MLIP: variants seen among roughly 807,000 people sequenced by gnomAD.
The protein encoded by MLIP is muscular LMNA interacting protein.
In MLIP, 79 loss-of-function variants were observed where a neutral mutation model predicts 84.8. The ratio of observed to expected loss-of-function variants is 0.93; its 90% CI spans 0.78 to 1.12. The LOEUF is 1.12. Ranked by LOEUF, MLIP falls within the 50% of genes most tolerant of loss-of-function variation. The pLI is 0.00. For missense variants in MLIP, 1,257 were observed against 1,160.6 expected (o/e 1.08, Z -1.21); for synonymous variants, 504 against 463.0 (o/e 1.09, Z -1.14).
chr6:54,219,108 AG>A, intron 11 of MLIP, among the ~76,000 whole-genome samples: 1 of 152,032 alleles, frequency 6.6e-6, no homozygotes, highest in Non-Finnish European at 1.5e-5. Flanking sequence ...CGGGAGGCTG[AG>A]GCAGGAGAAT....
intron 1 of MLIP, among the ~76,000 whole-genome samples, chr6:54,059,923 T>C (rs1490001497): frequency 6.6e-6 from 1 of 152,268 alleles, no homozygotes; most frequent in East Asian, 1.9e-4. Context: ...TCAAAATATT[T>C]TGAGCCTTGA....
chr6:54,177,765 T>A (rs1776442843), intron 9 of MLIP, among the ~76,000 whole-genome samples: 1 of 152,142 alleles, frequency 6.6e-6, no homozygotes, highest in Non-Finnish European at 1.5e-5. Context: ...TGCAGCACTA[T>A]TCACAATAGC....
At chr6:54,174,374 T>G (rs574412100) in intron 9 of MLIP, among the ~76,000 whole-genome samples, 1 of 152,076 alleles carries the variant, frequency 6.6e-6, no homozygotes, top group Non-Finnish European at 1.5e-5. Context: ...CAACAGTATA[T>G]GAGGGTTCCC....
intron 9 of MLIP, among the ~76,000 whole-genome samples, chr6:54,182,107 C>T (rs1163111929): frequency 6.6e-6 from 1 of 152,158 alleles, no homozygotes; most frequent in Non-Finnish European, 1.5e-5. Flanking sequence ...GTCCTTATGT[C>T]CTAGACTTTC....
At position 54,168,116 on chromosome 6, in the gene MLIP, T is replaced by C. The variant is rs1046532485; in HGVS notation, c.2500-1412T>C. Among the ~76,000 whole-genome samples, 5 of 152,046 alleles carry C rather than the reference T, an allele frequency of 3.3e-5. No homozygotes were observed. The East Asian group carries it at 9.7e-4, about 30-fold the overall frequency. ...TTCAATATATTGGTCAGATTTTTTA[T>C]TGTCCTTTATGGAAAGATTACTTCC... is the stretch of plus-strand genomic sequence containing the variant. On this transcript the variant is annotated intron_variant, in intron 8 of 13. Transcript: ENST00000502396.
intron 1 of MLIP, among the ~76,000 whole-genome samples, chr6:54,038,480 TATAAGA>T (rs1445505489): frequency 2.0e-5 from 3 of 151,954 alleles, no homozygotes; most frequent in African/African-American, 7.2e-5. Flanking sequence ...CTCTGTTCTT[TATAAGA>T]ATAATTGTAA....
intron 1 of MLIP, among the ~76,000 whole-genome samples, chr6:54,029,735 G>GTCATT (rs1764019122): frequency 6.6e-6 from 1 of 152,000 alleles, no homozygotes; most frequent in South Asian, 2.1e-4. Flanking sequence ...CCAAAATTAT[G>GTCATT]TCATTTCTAA....
At chr6:54,024,832 T>A (rs10948796) in intron 1 of MLIP, among the ~76,000 whole-genome samples, 2 of 151,554 alleles carry the variant, frequency 1.3e-5, no homozygotes, top group Non-Finnish European at 2.9e-5. Flanking sequence ...GGTAACATGA[T>A]TATTATTATT....
In MLIP at chr6:54,138,051, C is replaced by T. The variant is rs1247728564; in HGVS notation, c.1982C>T (p.Ser661Phe). Residue 661 changes from serine to phenylalanine, a missense_variant, in exon 4 of 14, where the codon TCT becomes TTT. Coordinates refer to ENST00000502396, the MANE Select transcript of MLIP (RefSeq NM_001281747.2). ...FASLPNLRSS[S>F]LPHANLPTLV... ...TCTCTTCCCAACTTGAGGTCCTCCT[C>T]TCTCCCTCATGCCAATCTGCCCACC... The T allele has an allele frequency of 1.3e-6, 2 of 1,536,166 alleles. No homozygotes were observed. The highest frequency in any genetic ancestry group is 1.7e-6 in the Non-Finnish European group (2 of 1,146,890).
rs140109558 is a variant in MLIP at position 54,145,617 on chromosome 6, T to TA, written c.2218-3430dup. Among the ~76,000 whole-genome samples, 492 of 150,432 alleles carry TA rather than the reference T, an allele frequency of 3.3e-3. 1 individual carries two copies. Among genetic ancestry groups the TA allele is most frequent in the Non-Finnish European group, 5.7e-3 (388 of 67,502 alleles). On this transcript the variant is annotated intron_variant, in intron 4 of 13. Transcript: ENST00000502396. ...TAAGAACCCATCTCTACAAAAAAAA[T>TA]AAAAAAAAATTAGCTGGGTATGCTG... is the stretch of plus-strand genomic sequence containing the variant.
intron 11 of MLIP, chr6:54,217,862 T>G (rs1779956999): frequency 1.0e-6 from 1 of 985,122 alleles, no homozygotes; most frequent in Non-Finnish European, 1.2e-6. Context: ...TAAAGCAGGA[T>G]AGAGTGATGT....
At chr6:54,223,654 A>G (rs189810942) in intron 11 of MLIP, among the ~76,000 whole-genome samples, 1 of 152,212 alleles carries the variant, frequency 6.6e-6, no homozygotes, top group East Asian at 1.9e-4. Context: ...ACAAAATGTG[A>G]TACCTTCAAA....
chr6:54,241,559 C>T (rs1449024016), intron 12 of MLIP, among the ~76,000 whole-genome samples: 1 of 151,930 alleles, frequency 6.6e-6, no homozygotes, highest in East Asian at 1.9e-4. Context: ...GAAAAAATAC[C>T]ATAGCCACCA....
At chr6:54,094,944 AAAC>A (rs1239470589) in intron 1 of MLIP, among the ~76,000 whole-genome samples, 2 of 152,204 alleles carry the variant, frequency 1.3e-5, no homozygotes, top group African/African-American at 4.8e-5. Flanking sequence ...GAAATGAAGA[AAAC>A]AACCTCCAAA....
chr6:54,160,211 A>C (rs141242843), intron 5 of MLIP, among the ~76,000 whole-genome samples, 156 bp from the exon 6 acceptor site: 1 of 152,246 alleles, frequency 6.6e-6, no homozygotes, highest in Admixed American at 6.5e-5. Context: ...TAAGACCTAA[A>C]AGAAAAATGT....
At chr6:54,238,416 C>G (rs919069782) in intron 12 of MLIP, among the ~76,000 whole-genome samples, 1 of 152,178 alleles carries the variant, frequency 6.6e-6, no homozygotes, top group African/African-American at 2.4e-5. Context: ...AGTATTCCCA[C>G]TTAATTACTC....
At chr6:54,110,531 G>T (rs1769374650), upstream of MLIP, among the ~76,000 whole-genome samples, 1 of 152,128 alleles carries the variant, frequency 6.6e-6, no homozygotes, top group South Asian at 2.1e-4. Flanking sequence ...TGTGCTAATA[G>T]AATCACTTAT....
chr6:54,136,725 C>T lies in MLIP; in HGVS notation c.656C>T (p.Ser219Phe), dbSNP rs1377473720. Residue 219 changes from serine (S) to phenylalanine (F), a missense_variant, in exon 4 of 14, where the codon TCT becomes TTT. Ser to Phe is a radical substitution (Grantham distance 155, BLOSUM62 -2). Transcript: ENST00000502396. ...TTCTCTTTCCTCTAGTTAACTTCTT[C>T]TCCCACTACCTCTGAGCAGCTTGCC... ...PQQKHGQLTSSPTTSEQLACK... is the reference protein window; with the variant it reads ...PQQKHGQLTSFPTTSEQLACK... 5 of 1,479,696 alleles carry T rather than the reference C, an allele frequency of 3.4e-6. No individual in the cohort carries two copies. The African/African-American group carries it at 4.2e-5, about 12-fold the overall frequency. The allele number at this position is 1,479,696 out of a possible 1,614,324, so 91.7% of individuals were successfully genotyped here.
intron 9 of MLIP, among the ~76,000 whole-genome samples, chr6:54,184,021 T>C (rs577063451): frequency 2.6e-4 from 39 of 152,242 alleles, no homozygotes; most frequent in Admixed American, 2.5e-3. Flanking sequence ...AGAGTCTTTA[T>C]CATTTTATAA....
Sources: allele counts gnomAD v4.1 joint callset (sites outside exome capture counted in the v4.1 genomes callset), GRCh38; gene constraint gnomAD v4.1.1; transcripts MANE v1.5; gene names NCBI Gene and HGNC (gene_info 2026-07-23, HGNC 2026-07-21).